Variants in NTM observed in about 807,000 individuals in gnomAD.
NTM encodes the protein IgLON family member 2.
NTM carries 13 observed loss-of-function variants against 42.1 expected under a neutral mutation model. The ratio of observed to expected loss-of-function variants is 0.31; its 90% CI spans 0.20 to 0.49. The LOEUF (loss-of-function observed/expected upper bound fraction) is 0.49, where lower values mean the gene tolerates loss of function less well. Among genes scored for constraint, NTM ranks in the 20% least tolerant of loss-of-function variants. NTM has a pLI of 0.99. For synonymous variants in NTM, 187 were observed against 179.2 expected (o/e 1.04, Z -0.35); for missense variants, 373 against 452.8 (o/e 0.82, Z 1.60).
intron 2 of NTM, among the ~76,000 whole-genome samples, chr11:132,117,123 G>C (rs2064015498): frequency 6.6e-6 from 1 of 152,162 alleles, no homozygotes; most frequent in African/African-American, 2.4e-5. Flanking sequence ...ATTTCTATTA[G>C]AAATCGTGAG....
At chr11:131,770,259 T>G (rs1413404586) in intron 1 of NTM, among the ~76,000 whole-genome samples, 1 of 152,206 alleles carries the variant, frequency 6.6e-6, no homozygotes, top group Non-Finnish European at 1.5e-5. Context: ...AGCCCAGACC[T>G]TTGCTTTCTT....
chr11:131,960,190 G>T (rs896606385), intron 2 of NTM, among the ~76,000 whole-genome samples: 8 of 152,210 alleles, frequency 5.3e-5, no homozygotes, highest in African/African-American at 1.9e-4. Context: ...AGAAGTACAA[G>T]CTCGAGGGTG....
intron 3 of NTM, among the ~76,000 whole-genome samples, chr11:132,150,711 C>T (rs976647354): frequency 3.3e-5 from 5 of 152,082 alleles, no homozygotes; most frequent in African/African-American, 1.2e-4. Context: ...AGTCTGGAGT[C>T]CAAGGATGTA....
intron 1 of NTM, among the ~76,000 whole-genome samples, chr11:131,790,112 T>C (rs1379528739): frequency 6.6e-6 from 1 of 151,982 alleles, no homozygotes; most frequent in Non-Finnish European, 1.5e-5. Flanking sequence ...ATTAAAAGGA[T>C]AAGAAGATGG....
At chr11:131,428,814 C>T (rs555111713) in intron 1 of NTM, among the ~76,000 whole-genome samples, 3 of 137,204 alleles carry the variant, frequency 2.2e-5, no homozygotes, top group African/African-American at 5.5e-5. Context: ...GCGGGTGGAA[C>T]ATTTGAGGTC....
intron 1 of NTM, among the ~76,000 whole-genome samples, chr11:131,451,674 G>A (rs1447270654): frequency 6.6e-6 from 1 of 152,178 alleles, no homozygotes; most frequent in African/African-American, 2.4e-5. Context: ...GTTTGTGGAT[G>A]ATAGACCAAA....
chr11:131,960,597 A>G (rs936745536), intron 2 of NTM, among the ~76,000 whole-genome samples: 1 of 152,186 alleles, frequency 6.6e-6, no homozygotes, highest in Non-Finnish European at 1.5e-5. Context: ...TTGTGTTGAG[A>G]GCTGTCAGGA....
At chr11:131,905,836 C>T (rs549584402) in intron 1 of NTM, among the ~76,000 whole-genome samples, 1 of 152,232 alleles carries the variant, frequency 6.6e-6, no homozygotes, top group South Asian at 2.1e-4. Flanking sequence ...TCAGAGCACC[C>T]CACCCCTCCT....
chr11:131,791,420 AATAC>A (rs1565556462), intron 1 of NTM, among the ~76,000 whole-genome samples: 1 of 152,240 alleles, frequency 6.6e-6, no homozygotes, highest in Non-Finnish European at 1.5e-5. Context: ...GAGTGTAAGT[AATAC>A]ATACATCAAT....
rs923563967 is a variant in NTM, at chr11:131,794,838, G to A, written c.83-116726G>A. ...TATGCTACATTAAAGAAAAAGCCCA[G>A]GCAGAAAGCTGCCATAGGTAACGGC... On this transcript the variant is annotated intron_variant, in intron 1 of 8. Coordinates refer to ENST00000683400, the MANE Select transcript of NTM (RefSeq NM_001352005.2). 4.1e-6 allele frequency: 4 copies of A among 985,384 alleles called. No homozygotes were observed. In the African/African-American group the frequency reaches 7.0e-5, roughly 17 times the overall value. 61.0% of individuals were successfully genotyped at this position (985,384 alleles called of 1,614,324 possible). A position where few individuals can be genotyped will look rare whatever the true frequency, so the allele number is the denominator to read the frequency against.
intron 1 of NTM, among the ~76,000 whole-genome samples, chr11:131,614,106 G>T (rs902644386): frequency 6.6e-6 from 1 of 152,170 alleles, no homozygotes; most frequent in Admixed American, 6.5e-5. Flanking sequence ...GGTTCACTGA[G>T]ATCTGGGGCG....
chr11:132,295,804 G>A (rs1009029134), intron 4 of NTM, among the ~76,000 whole-genome samples: 18 of 152,172 alleles, frequency 1.2e-4, no homozygotes, highest in African/African-American at 3.9e-4. Flanking sequence ...GCAGTGGTAG[G>A]ATTTAAGCAG....
intron 4 of NTM, among the ~76,000 whole-genome samples, chr11:132,298,717 A>G (rs2094718280): frequency 6.6e-6 from 1 of 152,246 alleles, no homozygotes; most frequent in African/African-American, 2.4e-5. Flanking sequence ...CTATCAAAAA[A>G]AAATTAAGGG....
chr11:132,304,586 T>A (rs1271088840), intron 4 of NTM, among the ~76,000 whole-genome samples: 5 of 152,220 alleles, frequency 3.3e-5, no homozygotes, highest in Admixed American at 2.6e-4. Context: ...GGCATCTCCT[T>A]TAGGAACCTG....
chr11:131,569,237 C>T (rs2100167), intron 1 of NTM, among the ~76,000 whole-genome samples: 12,187 of 151,876 alleles, frequency 0.08, 1,613 homozygotes, highest in African/African-American at 0.28. Context: ...CTCTGACTCC[C>T]GGGTTCAAGT....
chr11:131,995,245 A>C (rs773683817), intron 2 of NTM, among the ~76,000 whole-genome samples: 1 of 152,182 alleles, frequency 6.6e-6, no homozygotes, highest in East Asian at 1.9e-4. Context: ...CCTATTCAGC[A>C]ATATTTAACA....
intron 2 of NTM, among the ~76,000 whole-genome samples, chr11:131,997,096 T>C (rs895602506): frequency 3.9e-5 from 6 of 152,212 alleles, no homozygotes; most frequent in Non-Finnish European, 8.8e-5. Flanking sequence ...GACTCTACCC[T>C]GGGCATTTTA....
intron 1 of NTM, among the ~76,000 whole-genome samples, chr11:131,776,572 T>C (rs1229839509): frequency 6.6e-6 from 1 of 152,018 alleles, no homozygotes; most frequent in East Asian, 1.9e-4. Context: ...TGGTGTCAGA[T>C]ATTTTAGACA....
rs187252098 is a variant in NTM at position 131,894,050 on chromosome 11, G to T, written c.83-17514G>T. On this transcript the variant is annotated intron_variant, in intron 1 of 8. Coordinates refer to ENST00000683400, the MANE Select transcript of NTM (RefSeq NM_001352005.2). The stretch of plus-strand genomic sequence containing the variant: ...TTGTGGGAGGCAGGCTTTGCCAGTA[G>T]GAAAGAAGGAAGGAGAGGGAAAGGC... Among the ~76,000 whole-genome samples the T allele has an allele frequency of 2.0e-4, 30 of 152,296 alleles. No homozygotes were observed. In the East Asian group the frequency reaches 5.2e-3, roughly 26 times the overall value.
Sources: gnomAD v4.1 joint callset for allele counts (sites outside exome capture counted in the v4.1 genomes callset) on GRCh38, gnomAD v4.1.1 for gene constraint, MANE v1.5 for transcripts, NCBI Gene and HGNC (gene_info 2026-07-23, HGNC 2026-07-21) for gene names.